Variants in CRTC1 observed in about 807,000 individuals in gnomAD.
CRTC1 encodes CREB regulated transcription coactivator 1.
A neutral mutation model predicts 66.1 loss-of-function variants in CRTC1; 18 were observed. That is an observed-to-expected ratio of 0.27 (90% CI 0.19 to 0.40). The LOEUF (loss-of-function observed/expected upper bound fraction) is 0.40. Ranked by LOEUF, CRTC1 falls within the 10% of genes least tolerant of loss-of-function variation. The probability of loss-of-function intolerance (pLI) is 1.00; values close to 1 mark genes in which losing one functional copy is unlikely to be tolerated. For missense variants in CRTC1, 669 were observed against 887.9 expected (o/e 0.75, Z 3.13); for synonymous variants, 416 against 398.8 (o/e 1.04, Z -0.51).
intron 1 of CRTC1, among the ~76,000 whole-genome samples, chr19:18,733,548 G>T (rs903254547): frequency 1.3e-5 from 2 of 152,114 alleles, no homozygotes; most frequent in African/African-American, 4.8e-5. Flanking sequence ...GTGTCTCCAG[G>T]GCCCAGGAGA....
At chr19:18,757,749 G>C (rs1040182536) in intron 6 of CRTC1, among the ~76,000 whole-genome samples, 2 of 152,224 alleles carry the variant, frequency 1.3e-5, no homozygotes, top group Non-Finnish European at 2.9e-5. Context: ...GGGTGCAGTG[G>C]CTCACGCCTG....
intron 6 of CRTC1, among the ~76,000 whole-genome samples, chr19:18,753,875 G>A (rs1038251911): frequency 5.9e-5 from 9 of 151,744 alleles, no homozygotes; most frequent in Admixed American, 2.6e-4. Flanking sequence ...CGAGGCAGGC[G>A]GATTGCCAGA....
chr19:18,747,125 G>A lies in CRTC1; in HGVS notation c.443+11G>A, dbSNP rs1230513307. ...CACCAGCTGGAGAAGGTCAGTGGCT[G>A]GACACCCCCCCCCCGCCCCCTTCTT... is the stretch of plus-strand genomic sequence containing the variant. On this transcript the variant is annotated intron_variant, in intron 4 of 13. Transcript: ENST00000321949. 1.3e-6 allele frequency: 2 copies of A among 1,579,264 alleles called. No homozygotes were observed. Among genetic ancestry groups the A allele is most frequent in the Non-Finnish European group, 1.7e-6 (2 of 1,159,332 alleles).
At chr19:18,720,994 C>T (rs966754754) in intron 1 of CRTC1, among the ~76,000 whole-genome samples, 3 of 152,106 alleles carry the variant, frequency 2.0e-5, no homozygotes, top group African/African-American at 4.8e-5. Flanking sequence ...GTGCAGGTGT[C>T]GGCAGGGCTG....
Position 18,782,149 on chromosome 19 carries a change from C to G in CRTC1, c.*4767C>G. On this transcript the variant is annotated 3_prime_UTR_variant, in exon 14 of 14. Transcript: ENST00000321949. ...GTGCCCAGGCTGGCTCTCCCCCAAC[C>G]CTAGCATGTATACTCTGCCACGGAC... The G allele has an allele frequency of 4.4e-6, 1 of 227,092 alleles. No individual in the cohort carries two copies. Among genetic ancestry groups the G allele is most frequent in the East Asian group, 6.3e-5 (1 of 15,786 alleles). The allele number at this position is 227,092 out of a possible 1,614,324, so 14.1% of individuals were successfully genotyped here. A position where few individuals can be genotyped will look rare whatever the true frequency, so the allele number is the denominator to read the frequency against.
Position 18,771,489 on chromosome 19 carries a change from C to T in CRTC1, c.1368C>T (p.Asn456=). The change falls in exon 11 of 14, where the codon AAC becomes AAT. Residue 456 remains asparagine (N), a synonymous_variant. Coordinates refer to ENST00000321949, the MANE Select transcript of CRTC1 (RefSeq NM_015321.3). The surrounding 1 kb of genome is among the most constrained non-coding windows in gnomAD (Gnocchi z 4.6). ...GCACTAGCGCCGGCTCCCCGGCCAA[C>T]CAGTCTCCCACCTCGCCAGTCTCCA... ...QYRTSAGSPA[N]QSPTSPVSNQ... 1 of 1,613,746 alleles carries T rather than the reference C, an allele frequency of 6.2e-7. No homozygotes were observed. Among genetic ancestry groups the T allele is most frequent in the African/African-American group, 1.3e-5 (1 of 74,998 alleles).
chr19:18,768,658 T>C lies in CRTC1; in HGVS notation c.1185T>C (p.Gly395=), dbSNP rs2145840150. ...AGGCGCCCGTCCGCCTGCCCCCTGG[T>C]GGCCCCCTGTTGCCCAGCGCCAGCC... ...PPQAPVRLPP[G]GPLLPSASLT... Residue 395 remains glycine, a synonymous_variant, in exon 10 of 14, where the codon GGT becomes GGC. Coordinates refer to ENST00000321949, the MANE Select transcript of CRTC1 (RefSeq NM_015321.3). The surrounding 1 kb of genome is among the most constrained non-coding windows in gnomAD (Gnocchi z 5.6). 1 of 1,422,354 alleles carries C rather than the reference T, an allele frequency of 7.0e-7. No homozygotes were observed. Among genetic ancestry groups the C allele is most frequent in the East Asian group, 3.3e-5 (1 of 30,348 alleles). 88.1% of individuals were successfully genotyped at this position (1,422,354 alleles called of 1,614,324 possible).
At chr19:18,701,225 C>G (rs1018038779) in intron 1 of CRTC1, among the ~76,000 whole-genome samples, 1 of 152,266 alleles carries the variant, frequency 6.6e-6, no homozygotes, top group Non-Finnish European at 1.5e-5. Flanking sequence ...GAGCCCGGGG[C>G]TCATCACGCT....
At chr19:18,756,297 C>T (rs993934060) in intron 6 of CRTC1, among the ~76,000 whole-genome samples, 9 of 137,786 alleles carry the variant, frequency 6.5e-5, no homozygotes, top group Admixed American at 1.6e-4. Flanking sequence ...TGCGCCACTG[C>T]ACTCCAGCCT....
chr19:18,713,165 G>A (rs922488784), intron 1 of CRTC1, among the ~76,000 whole-genome samples: 2 of 152,196 alleles, frequency 1.3e-5, no homozygotes, highest in South Asian at 2.1e-4. Flanking sequence ...CTTCCACGTC[G>A]TAGCATGGAT....
intron 10 of CRTC1, among the ~76,000 whole-genome samples, chr19:18,769,330 A>G (rs572803507): frequency 6.6e-6 from 1 of 152,314 alleles, no homozygotes; most frequent in South Asian, 2.1e-4. Flanking sequence ...CCCTGTACCC[A>G]CAAACCTTCC....
chr19:18,725,498 T>C (rs1019243331), intron 1 of CRTC1, among the ~76,000 whole-genome samples: 1 of 146,472 alleles, frequency 6.8e-6, no homozygotes, highest in Non-Finnish European at 1.5e-5. Context: ...TGGGGCAGCC[T>C]GGCCAGCCGT....
intron 1 of CRTC1, among the ~76,000 whole-genome samples, chr19:18,727,871 A>G (rs1419656861): frequency 6.6e-6 from 1 of 151,504 alleles, no homozygotes; most frequent in Non-Finnish European, 1.5e-5. Flanking sequence ...ACAGGCGCCC[A>G]TCACCATGCC....
At chr19:18,688,069 G>T (rs181122022) in intron 1 of CRTC1, among the ~76,000 whole-genome samples, 128 of 152,248 alleles carry the variant, frequency 8.4e-4, no homozygotes, top group African/African-American at 3.0e-3. Context: ...AGCCTGGGGT[G>T]CTGGGGCTCC....
At chr19:18,746,477 TC>T (rs1265684155) in intron 3 of CRTC1, among the ~76,000 whole-genome samples, 3 of 137,080 alleles carry the variant, frequency 2.2e-5, no homozygotes, top group African/African-American at 5.2e-5. Context: ...TCAGCCAGAG[TC>T]CCCCCCTCCC....
At chr19:18,713,870 A>G (rs1282829465) in intron 1 of CRTC1, among the ~76,000 whole-genome samples, 1 of 152,224 alleles carries the variant, frequency 6.6e-6, no homozygotes, top group Non-Finnish European at 1.5e-5. Flanking sequence ...ACAGCCCTGC[A>G]GTATCTGCTG....
intron 1 of CRTC1, among the ~76,000 whole-genome samples, chr19:18,701,978 C>G (rs2053153629): frequency 7.1e-6 from 1 of 141,164 alleles, no homozygotes; most frequent in Admixed American, 7.5e-5. Context: ...GGCTGGAATA[C>G]AGTGGTGCAA....
intron 1 of CRTC1, among the ~76,000 whole-genome samples, chr19:18,688,149 A>G (rs961688469): frequency 2.6e-5 from 4 of 152,124 alleles, no homozygotes; most frequent in African/African-American, 9.7e-5. Flanking sequence ...ACAGGAGAGC[A>G]TCAATGCATC....
intron 5 of CRTC1, among the ~76,000 whole-genome samples, chr19:18,750,841 G>T (rs1293595606): frequency 6.6e-6 from 1 of 152,176 alleles, no homozygotes. Flanking sequence ...AACACCCAGG[G>T]GTGCTGAGGA....
Sources: gnomAD v4.1 joint callset for allele counts (sites outside exome capture counted in the v4.1 genomes callset) on GRCh38, gnomAD v4.1.1 for gene constraint, Gnocchi (gnomAD v3.1) non-coding constraint, MANE v1.5 for transcripts, NCBI Gene and HGNC (gene_info 2026-07-23, HGNC 2026-07-21) for gene names.